PEX13: variants seen among roughly 807,000 people sequenced by gnomAD.
PEX13 encodes peroxisomal biogenesis factor 13.
Under a neutral mutation model 34.5 loss-of-function variants are expected in PEX13, and 28 were observed. That is an observed-to-expected ratio of 0.81 (90% CI 0.60 to 1.11). PEX13 has a LOEUF of 1.11. Among genes scored for constraint, PEX13 ranks in the 50% most tolerant of loss-of-function variants. The pLI is 0.00. For missense variants in PEX13, 550 were observed against 491.0 expected (o/e 1.12, Z -1.13); for synonymous variants, 177 against 175.1 (o/e 1.01, Z -0.09).
intron 1 of PEX13, among the ~76,000 whole-genome samples, chr2:61,022,616 C>A (rs926052937): frequency 9.8e-5 from 15 of 152,286 alleles, no homozygotes; most frequent in African/African-American, 3.6e-4. Context: ...CATTTGTAAT[C>A]CTAGCATTTT....
chr2:61,038,088 G>A (rs745575600), intron 2 of PEX13, among the ~76,000 whole-genome samples: 3 of 152,072 alleles, frequency 2.0e-5, no homozygotes, highest in Non-Finnish European at 4.4e-5. Context: ...ACCAATAACA[G>A]GTTCTGAAAT....
intron 1 of PEX13, among the ~76,000 whole-genome samples, chr2:61,030,768 A>G (rs964163783): frequency 2.6e-5 from 4 of 152,218 alleles, no homozygotes; most frequent in Non-Finnish European, 4.4e-5. Context: ...GGATATAACT[A>G]TCTTAAATAA....
At position 61,038,831 on chromosome 2, in the gene PEX13, T is replaced by C. The variant is rs147357081; in HGVS notation, c.787+6718T>C. Among the ~76,000 whole-genome samples, 124 of 152,338 alleles carry C rather than the reference T, an allele frequency of 8.1e-4. 3 individuals are homozygous for C. The East Asian group carries it at 0.023, about 28-fold the overall frequency. On this transcript the variant is annotated intron_variant, in intron 2 of 3. Transcript: ENST00000295030. The stretch of plus-strand genomic sequence containing the variant: ...AACTCAAATTGTCTCCGTTTGCAGA[T>C]GACATGGTTGTATATTTAGAAAACC...
intron 1 of PEX13, 156 bp downstream of exon 1, chr2:61,018,007 C>T: frequency 7.4e-7 from 1 of 1,349,478 alleles, no homozygotes; most frequent in East Asian, 2.5e-5. Context: ...GGGGCGCTTA[C>T]CAGTGGGGAC....
intron 1 of PEX13, among the ~76,000 whole-genome samples, chr2:61,022,117 A>T (rs1680274044): frequency 6.6e-6 from 1 of 152,222 alleles, no homozygotes; most frequent in African/African-American, 2.4e-5. Flanking sequence ...AGAGCACCTC[A>T]TCTCCTCCAA....
At chr2:61,030,146 G>A (rs1316644052) in intron 1 of PEX13, among the ~76,000 whole-genome samples, 1 of 152,164 alleles carries the variant, frequency 6.6e-6, no homozygotes, top group East Asian at 1.9e-4. Context: ...TATGCTAAGT[G>A]AAAGAAGCCA....
intron 2 of PEX13, among the ~76,000 whole-genome samples, chr2:61,033,081 G>A (rs1409592829): frequency 6.6e-6 from 1 of 152,084 alleles, no homozygotes; most frequent in Non-Finnish European, 1.5e-5. Context: ...ACATGTAAAC[G>A]AAAAAGTCAG....
At chr2:61,025,138 G>T (rs1040082191) in intron 1 of PEX13, among the ~76,000 whole-genome samples, 2 of 151,450 alleles carry the variant, frequency 1.3e-5, no homozygotes, top group Non-Finnish European at 2.9e-5. Context: ...GCGTGATCTC[G>T]GCTCATTGCA....
rs557302667 is a variant in PEX13 at position 61,023,214 on chromosome 2, A to G, written c.92+5363A>G. Among the ~76,000 whole-genome samples, 7 of 152,184 alleles carry G rather than the reference A, an allele frequency of 4.6e-5. No homozygotes were observed. In the East Asian group the frequency reaches 1.2e-3, roughly 25 times the overall value. ...GAGATGGAGTTTTGCCTTGTTTCCC[A>G]GGCTGGTCTCGAACTCCTGGGCTCA... is the stretch of plus-strand genomic sequence containing the variant. On this transcript the variant is annotated intron_variant, in intron 1 of 3. Coordinates refer to ENST00000295030, the MANE Select transcript of PEX13 (RefSeq NM_002618.4).
intron 1 of PEX13, among the ~76,000 whole-genome samples, chr2:61,025,686 G>A (rs1680342721): frequency 6.6e-6 from 1 of 152,054 alleles, no homozygotes; most frequent in Non-Finnish European, 1.5e-5. Context: ...AATGAGAGCT[G>A]CACATTGTAT....
chr2:61,036,041 G>A (rs546869461), intron 2 of PEX13, among the ~76,000 whole-genome samples: 1 of 150,072 alleles, frequency 6.7e-6, no homozygotes, highest in African/African-American at 2.4e-5. Context: ...AGTGATTGAA[G>A]ATCAAATTAA....
intron 1 of PEX13, among the ~76,000 whole-genome samples, chr2:61,026,871 G>A (rs1680365901): frequency 1.3e-5 from 2 of 151,926 alleles, no homozygotes. Flanking sequence ...ATTTCTTCAT[G>A]TGTGTGGCAT....
chr2:61,031,600 G>A lies in PEX13; in HGVS notation c.274G>A (p.Gly92Ser). The A allele has an allele frequency of 6.2e-7, 1 of 1,614,132 alleles. No individual in the cohort carries two copies. Residue 92 changes from glycine to serine, a missense_variant, in exon 2 of 4, where the codon GGC (glycine) becomes AGC (serine). Physicochemically the swap from Gly to Ser is moderately conservative, Grantham distance 56 (BLOSUM62 0). Coordinates refer to ENST00000295030, the MANE Select transcript of PEX13 (RefSeq NM_002618.4). ...YGAYGNSFYG[G>S]YSPYSYGYNG... ...TGCCTATGGAAATTCATTTTATGGA[G>A]GCTATAGTCCTTATAGTTATGGATA...
intron 2 of PEX13, 80 bp downstream of exon 2, chr2:61,032,193 A>G (rs1680464227): frequency 9.6e-7 from 1 of 1,042,090 alleles, no homozygotes; most frequent in Non-Finnish European, 1.4e-6. Flanking sequence ...AGTTTTCTTT[A>G]TATTGATTTG....
At chr2:61,044,172 A>G (rs1243679491) in intron 2 of PEX13, among the ~76,000 whole-genome samples, 2 of 151,636 alleles carry the variant, frequency 1.3e-5, no homozygotes, top group African/African-American at 4.9e-5. Context: ...CTGGTCTTGA[A>G]CTCCTGGCCT....
chr2:61,032,982 T>A (rs1038203908), intron 2 of PEX13, among the ~76,000 whole-genome samples: 1 of 152,230 alleles, frequency 6.6e-6, no homozygotes, highest in African/African-American at 2.4e-5. Flanking sequence ...AAGCTCTTAA[T>A]TGGCATTATG....
intron 1 of PEX13, chr2:61,018,450 G>C: frequency 2.3e-6 from 2 of 852,266 alleles, no homozygotes; most frequent in Non-Finnish European, 3.4e-6. Flanking sequence ...GCAAAATAGT[G>C]TATTTTTCTG....
intron 2 of PEX13, among the ~76,000 whole-genome samples, chr2:61,041,423 A>G (rs1197164023): frequency 6.6e-6 from 1 of 152,204 alleles, no homozygotes; most frequent in Non-Finnish European, 1.5e-5. Context: ...GAAATCAGGA[A>G]GAACAGAAGT....
Position 61,017,768 on chromosome 2 carries a change from C to G in PEX13, c.9C>G (p.Ser3=), listed in dbSNP as rs745465894. The G allele has an allele frequency of 5.2e-6, 8 of 1,549,460 alleles. No individual in the cohort carries two copies. The highest frequency in any genetic ancestry group is 7.0e-6 in the Non-Finnish European group (8 of 1,146,568). MA[S]QPPPPPKPWE... ...GAGAGGAGGCGGAGGAGATGGCGTC[C>G]CAGCCGCCACCTCCCCCCAAACCCT... Residue 3 remains serine (S), a synonymous_variant, in exon 1 of 4, where the codon TCC becomes TCG. Transcript: ENST00000295030.
Sources: gnomAD v4.1 joint callset for allele counts (sites outside exome capture counted in the v4.1 genomes callset) on GRCh38, gnomAD v4.1.1 for gene constraint, MANE v1.5 for transcripts, NCBI Gene and HGNC (gene_info 2026-07-23, HGNC 2026-07-21) for gene names.